The following CEP192 variants were observed in gnomAD, a reference collection of about 807,000 sequenced individuals.
CEP192 encodes the protein centrosomal protein 192.
CEP192 carries 151 observed loss-of-function variants against 271.8 expected under a neutral mutation model. The observed-to-expected ratio is 0.56, with a 90% CI of 0.49 to 0.64. The LOEUF is 0.64. Among genes scored for constraint, CEP192 ranks in the 30% least tolerant of loss-of-function variants. CEP192 has a pLI of 0.00. For synonymous variants in CEP192, 995 were observed against 1,076.5 expected (o/e 0.92, Z 1.48); for missense variants, 2,910 against 3,020.5 (o/e 0.96, Z 0.86).
chr18:13,092,309 T>C, intron 33 of CEP192, 68 bp from the exon 34 acceptor site: 1 of 1,084,774 alleles, frequency 9.2e-7, no homozygotes, highest in Non-Finnish European at 1.4e-6. Flanking sequence ...AATATACAAA[T>C]GTATCTGTTA....
intron 11 of CEP192, among the ~76,000 whole-genome samples, chr18:13,031,448 C>T (rs1310062537): frequency 2.0e-5 from 3 of 151,826 alleles, no homozygotes; most frequent in Admixed American, 6.6e-5. Flanking sequence ...GGGGTTTCAC[C>T]GTTTTAGCCG....
chr18:13,092,593 C>A, intron 34 of CEP192, 66 bp downstream of exon 34: 1 of 1,203,374 alleles, frequency 8.3e-7, no homozygotes, highest in Non-Finnish European at 1.2e-6. Flanking sequence ...CAAAGCTGAT[C>A]TTTTTTCCTG....
chr18:13,072,849 C>G lies in CEP192; in HGVS notation c.5439+4C>G. ...ACAAGATCAGGACTGCTTTCAGGTT[C>G]GTAGAGTACGTGGATTCTTGTTATG... On this transcript the variant is annotated splice_donor_region_variant and intron_variant, in intron 29 of 44. Transcript: ENST00000506447. 1.2e-6 allele frequency: 2 copies of G among 1,600,746 alleles called. No homozygotes were observed. Among genetic ancestry groups the G allele is most frequent in the Non-Finnish European group, 1.7e-6 (2 of 1,167,836 alleles).
chr18:13,038,983 T>C (rs536735668), intron 13 of CEP192, among the ~76,000 whole-genome samples: 3 of 152,216 alleles, frequency 2.0e-5, no homozygotes, highest in Non-Finnish European at 4.4e-5. Context: ...TAAAGAGATG[T>C]TTTGAAATAT....
At chr18:13,080,488 G>C (rs960434135) in intron 30 of CEP192, among the ~76,000 whole-genome samples, 3 of 152,058 alleles carry the variant, frequency 2.0e-5, no homozygotes, top group African/African-American at 4.8e-5. Flanking sequence ...CACTGATTTT[G>C]TATCCTGAGA....
chr18:13,001,146 C>T (rs2033618574), intron 2 of CEP192, among the ~76,000 whole-genome samples: 1 of 152,192 alleles, frequency 6.6e-6, no homozygotes, highest in African/African-American at 2.4e-5. Flanking sequence ...TGGCCACTTT[C>T]TTGTCTTTTC....
chr18:13,066,065 ACAT>A (rs1282100530), intron 21 of CEP192, among the ~76,000 whole-genome samples: 1 of 152,220 alleles, frequency 6.6e-6, no homozygotes, highest in Non-Finnish European at 1.5e-5. Context: ...TTTACTTTCA[ACAT>A]TAATATGTAA....
intron 21 of CEP192, among the ~76,000 whole-genome samples, chr18:13,066,582 T>G (rs1043523597): frequency 1.3e-5 from 2 of 152,228 alleles, no homozygotes; most frequent in East Asian, 3.8e-4. Flanking sequence ...CTTTGTGATT[T>G]TTTTCAGCTT....
intron 30 of CEP192, among the ~76,000 whole-genome samples, chr18:13,084,820 C>CT (rs75187893): frequency 0.14 from 20,808 of 146,232 alleles, 1,530 homozygotes; most frequent in East Asian, 0.27. Flanking sequence ...TTTTGATTTC[C>CT]TTTTTTTTTT....
At chr18:13,039,080 G>C (rs1360933709) in intron 13 of CEP192, among the ~76,000 whole-genome samples, 4 of 152,190 alleles carry the variant, frequency 2.6e-5, no homozygotes, top group African/African-American at 9.7e-5. Flanking sequence ...TAAAGCATGA[G>C]TGAGGAGAAG....
At chr18:13,100,563 C>A in intron 38 of CEP192, 51 bp downstream of exon 38, 1 of 1,367,558 alleles carries the variant, frequency 7.3e-7, no homozygotes, top group South Asian at 1.2e-5. Flanking sequence ...TATATTGAGT[C>A]TAATGCTTTA....
At chr18:13,109,164 T>C (rs2040091610) in intron 40 of CEP192, among the ~76,000 whole-genome samples, 1 of 152,168 alleles carries the variant, frequency 6.6e-6, no homozygotes, top group African/African-American at 2.4e-5. Context: ...CACCGGTGGA[T>C]TGGATGAAGA....
chr18:13,063,160 G>A (rs751456225), intron 21 of CEP192, among the ~76,000 whole-genome samples: 1 of 152,136 alleles, frequency 6.6e-6, no homozygotes, highest in Non-Finnish European at 1.5e-5. Context: ...CCAAATCTTA[G>A]CTGTTGTAAA....
At chr18:12,998,189 C>G (rs939888884) in intron 1 of CEP192, among the ~76,000 whole-genome samples, 2 of 152,000 alleles carry the variant, frequency 1.3e-5, no homozygotes, top group Non-Finnish European at 2.9e-5. Context: ...TTTTTAAGTC[C>G]TCTCCCTTCC....
At chr18:13,030,918 C>T (rs1228109657) in intron 11 of CEP192, among the ~76,000 whole-genome samples, 1 of 152,034 alleles carries the variant, frequency 6.6e-6, no homozygotes, top group Non-Finnish European at 1.5e-5. Flanking sequence ...AAATTTGTGA[C>T]CTGAGCAAAG....
intron 6 of CEP192, among the ~76,000 whole-genome samples, 164 bp from the exon 7 acceptor site, chr18:13,017,024 T>C (rs531241057): frequency 4.9e-4 from 74 of 152,318 alleles, no homozygotes; most frequent in South Asian, 2.1e-4. Context: ...TTCATAATGG[T>C]TTATAATTGA....
At position 13,124,684 on chromosome 18, in the gene CEP192, A is replaced by G. The variant is rs1335455345; in HGVS notation, c.7528A>G (p.Lys2510Glu). 2 of 1,613,956 alleles carry G rather than the reference A, an allele frequency of 1.2e-6. No individual in the cohort carries two copies. The highest frequency in any genetic ancestry group is 1.7e-6 in the Non-Finnish European group (2 of 1,179,996). The change falls in exon 45 of 45, where the codon AAA becomes GAA. Residue 2510 changes from lysine to glutamate, a missense_variant. Coordinates refer to ENST00000506447, the MANE Select transcript of CEP192 (RefSeq NM_032142.4). ...GCAGTTCAAACCGAAGTCCGCAGGC[A>G]AATTTGAAGCTTTGCTTGTCATTCA... ...PVQFKPKSAG[K>E]FEALLVIQTD... is the part of the protein sequence containing the mutation.
rs745363843 is a variant in CEP192, at chr18:13,068,906, G to A, written c.4877G>A (p.Ser1626Asn). 14 of 1,614,126 alleles carry A rather than the reference G, an allele frequency of 8.7e-6. No individual in the cohort carries two copies. The highest frequency in any genetic ancestry group is 1.1e-5 in the Non-Finnish European group (13 of 1,180,014). Reference sequence around the variant, plus strand: ...GCAAAAGTTGATATCGAAGTTGACAGCCCAAACCCTACGCCCGTTCTTAGA... The same window carrying A: ...GCAAAAGTTGATATCGAAGTTGACAACCCAAACCCTACGCCCGTTCTTAGA... The part of the protein sequence containing the change: ...FSAKVDIEVD[S>N]PNPTPVLRSV... Residue 1626 changes from serine (S) to asparagine (N), a missense_variant, in exon 25 of 45, where the codon AGC becomes AAC. Transcript: ENST00000506447.
In CEP192 at chr18:13,072,819, A is replaced by G. The variant is rs1180764722; in HGVS notation, c.5413A>G (p.Arg1805Gly). 1.2e-6 allele frequency: 2 copies of G among 1,612,524 alleles called. No homozygotes were observed. Among genetic ancestry groups the G allele is most frequent in the Non-Finnish European group, 1.7e-6 (2 of 1,178,602 alleles). The change falls in exon 29 of 45, where the codon AGA becomes GGA. Residue 1805 changes from arginine (R) to glycine (G), a missense_variant. Transcript: ENST00000506447. ...AACTCAACATTTACGACTGCTTATTAGAGGACAAGATCAGGACTGCTTTCA... is the reference window on the plus strand; with the variant it reads ...AACTCAACATTTACGACTGCTTATTGGAGGACAAGATCAGGACTGCTTTCA... ...STTQHLRLLI[R>G]GQDQDCFQLQ...
Sources: allele counts gnomAD v4.1 joint callset (sites outside exome capture counted in the v4.1 genomes callset), GRCh38; gene constraint gnomAD v4.1.1; transcripts MANE v1.5; gene names NCBI Gene and HGNC (gene_info 2026-07-23, HGNC 2026-07-21).